Variants in IGFBP7 observed in about 807,000 individuals in gnomAD.
IGFBP7 encodes the protein insulin-like growth factor-binding protein 7.
In IGFBP7, 31 loss-of-function variants were observed where a neutral mutation model predicts 29.4. The observed-to-expected ratio is 1.05, with a 90% CI of 0.79 to 1.42. The LOEUF (loss-of-function observed/expected upper bound fraction) is 1.42, where lower values mean the gene tolerates loss of function less well. IGFBP7 is among the 40% of genes most tolerant of loss of function. The pLI is 0.00. For missense variants in IGFBP7, 393 were observed against 395.5 expected (o/e 0.99, Z 0.05); for synonymous variants, 172 against 174.9 (o/e 0.98, Z 0.13).
intron 1 of IGFBP7, among the ~76,000 whole-genome samples, chr4:57,082,058 T>C (rs1718859): frequency 0.51 from 76,954 of 151,972 alleles, 20,859 homozygotes; most frequent in Middle Eastern, 0.63. Context: ...CAACAGAAAA[T>C]GCACTGATTA....
At chr4:57,059,428 A>C (rs1392687521) in intron 1 of IGFBP7, among the ~76,000 whole-genome samples, 1 of 152,234 alleles carries the variant, frequency 6.6e-6, no homozygotes. Flanking sequence ...AAAAAGAATG[A>C]GATCATGTCT....
intron 1 of IGFBP7, among the ~76,000 whole-genome samples, chr4:57,095,838 C>T (rs187138114): frequency 7.0e-4 from 106 of 152,298 alleles, no homozygotes; most frequent in African/African-American, 2.4e-3. Flanking sequence ...CCGCCTCTCC[C>T]TATCAGAGAT....
intron 2 of IGFBP7, among the ~76,000 whole-genome samples, chr4:57,034,315 G>C (rs1463923519): frequency 6.6e-6 from 1 of 151,768 alleles, no homozygotes; most frequent in Admixed American, 6.6e-5. Flanking sequence ...CTGAGTTACA[G>C]AGTACAAATA....
intron 1 of IGFBP7, among the ~76,000 whole-genome samples, chr4:57,108,424 T>C (rs1281279290): frequency 6.6e-6 from 1 of 152,248 alleles, no homozygotes; most frequent in East Asian, 1.9e-4. Context: ...CAACATTGAA[T>C]GTCTGACTTT....
At chr4:57,032,130 A>C in intron 4 of IGFBP7, 1 of 379,706 alleles carries the variant, frequency 2.6e-6, no homozygotes, top group East Asian at 6.3e-5. Flanking sequence ...GAAAATGCCA[A>C]GTAGATAGGT....
At chr4:57,059,721 C>A (rs1216254836) in intron 1 of IGFBP7, among the ~76,000 whole-genome samples, 3 of 152,018 alleles carry the variant, frequency 2.0e-5, no homozygotes, top group Non-Finnish European at 4.4e-5. Context: ...TGTAACAAAC[C>A]TGCACATGTA....
intron 1 of IGFBP7, among the ~76,000 whole-genome samples, chr4:57,056,110 T>C (rs1724666887): frequency 6.6e-6 from 1 of 152,084 alleles, no homozygotes; most frequent in Admixed American, 6.5e-5. Context: ...CTCCTGCTCT[T>C]TCTCAGTGTT....
At chr4:57,081,544 C>A (rs1233079151) in intron 1 of IGFBP7, among the ~76,000 whole-genome samples, 1 of 151,852 alleles carries the variant, frequency 6.6e-6, no homozygotes, top group African/African-American at 2.4e-5. Context: ...GTGGTGTGAC[C>A]CTTCTATCAG....
intron 1 of IGFBP7, among the ~76,000 whole-genome samples, chr4:57,105,758 A>G (rs1016001051): frequency 7.2e-5 from 11 of 152,176 alleles, no homozygotes; most frequent in Admixed American, 2.0e-4. Context: ...TACACAGTAC[A>G]CGTGGAATAA....
chr4:57,056,083 C>T (rs11573086), intron 1 of IGFBP7, among the ~76,000 whole-genome samples: 2 of 151,836 alleles, frequency 1.3e-5, no homozygotes, highest in African/African-American at 2.4e-5. Flanking sequence ...GTTAGCCAGC[C>T]GCGCATAACT....
At chr4:57,049,174 T>A (rs1393114525) in intron 1 of IGFBP7, among the ~76,000 whole-genome samples, 1 of 151,004 alleles carries the variant, frequency 6.6e-6, no homozygotes, top group East Asian at 1.9e-4. Context: ...TATCACCCTT[T>A]ACCCAGTTAG....
intron 1 of IGFBP7, chr4:57,065,567 G>T (rs984345706): frequency 1.3e-5 from 2 of 152,304 alleles, no homozygotes; most frequent in Non-Finnish European, 2.9e-5. Context: ...CGGCCACGGC[G>T]TCGGCCCTCC....
At chr4:57,034,049 C>A (rs78986808) in intron 2 of IGFBP7, among the ~76,000 whole-genome samples, 245 of 96,486 alleles carry the variant, frequency 2.5e-3, no homozygotes, top group South Asian at 4.8e-3. Context: ...GACTCCATCT[C>A]AAAAAAAAAA....
chr4:57,074,655 C>A (rs2109779843), intron 1 of IGFBP7, among the ~76,000 whole-genome samples: 1 of 152,366 alleles, frequency 6.6e-6, no homozygotes, highest in Non-Finnish European at 1.5e-5. Context: ...TCCTCTGCCT[C>A]TGTCCTATTT....
chr4:57,096,553 A>G (rs1725768258), intron 1 of IGFBP7, among the ~76,000 whole-genome samples: 1 of 152,120 alleles, frequency 6.6e-6, no homozygotes, highest in Non-Finnish European at 1.5e-5. Flanking sequence ...TCCCCAGGTG[A>G]TTCTGATGTA....
chr4:57,043,919 G>C (rs1724291924), intron 1 of IGFBP7, among the ~76,000 whole-genome samples: 1 of 152,224 alleles, frequency 6.6e-6, no homozygotes, highest in Non-Finnish European at 1.5e-5. Context: ...AGCCGGATCT[G>C]GCTGGGCTTT....
At chr4:57,071,285 T>A (rs1348506161) in intron 1 of IGFBP7, among the ~76,000 whole-genome samples, 1 of 152,256 alleles carries the variant, frequency 6.6e-6, no homozygotes, top group African/African-American at 2.4e-5. Context: ...AGTCAACCAT[T>A]CAATTCCATG....
intron 1 of IGFBP7, among the ~76,000 whole-genome samples, chr4:57,086,774 C>T (rs1028517579): frequency 2.6e-5 from 4 of 152,286 alleles, no homozygotes; most frequent in Admixed American, 6.5e-5. Flanking sequence ...GCTCTTGTTG[C>T]CCAGGCTGGA....
chr4:57,032,393 C>G, intron 4 of IGFBP7, 33 bp downstream of exon 4: 1 of 1,611,162 alleles, frequency 6.2e-7, no homozygotes, highest in African/African-American at 1.3e-5. Context: ...ATGTACTAGT[C>G]ATTTTTAAAT....
Sources: gnomAD v4.1 joint callset for allele counts (sites outside exome capture counted in the v4.1 genomes callset) on GRCh38, gnomAD v4.1.1 for gene constraint, MANE v1.5 for transcripts, NCBI Gene and HGNC (gene_info 2026-07-23, HGNC 2026-07-21) for gene names.